The following DCTN1 variants were observed in gnomAD, a reference collection of about 807,000 sequenced individuals.
DCTN1 encodes 150 kDa dynein-associated polypeptide.
In DCTN1, 61 loss-of-function variants were observed where a neutral mutation model predicts 161.2. That is an observed-to-expected ratio of 0.38 (90% confidence interval 0.31 to 0.47). The LOEUF is 0.47. Ranked by LOEUF, DCTN1 falls within the 20% of genes least tolerant of loss-of-function variation. The pLI is 0.99. For missense variants in DCTN1, 1,404 were observed against 1,623.7 expected (o/e 0.86, Z 2.33); for synonymous variants, 653 against 632.4 (o/e 1.03, Z -0.49).
chr2:74,379,267 T>C (rs1675397792), intron 1 of DCTN1, among the ~76,000 whole-genome samples: 1 of 152,174 alleles, frequency 6.6e-6, no homozygotes. Context: ...AACAGATGAA[T>C]GAGGCATGAT....
At chr2:74,365,745 T>C in intron 24 of DCTN1, 88 bp from the exon 25 acceptor site, 1 of 1,611,922 alleles carries the variant, frequency 6.2e-7, no homozygotes, top group Non-Finnish European at 8.5e-7. Flanking sequence ...GTAGGTTCCC[T>C]GAGGGCTCAC....
rs989764056 is a variant in DCTN1, at chr2:74,362,707, T to C, written c.3552A>G (p.Gln1184=). The C allele has an allele frequency of 6.2e-7, 1 of 1,614,004 alleles. No individual in the cohort carries two copies. ...TAAGCTGAGCCACTTGCTCCATAAGTTGGGCCGACGGGCTCTTGGCAGCTG... is the reference window on the plus strand; with the variant it reads ...TAAGCTGAGCCACTTGCTCCATAAGCTGGGCCGACGGGCTCTTGGCAGCTG... ...TSPAAKSPSA[Q]LMEQVAQLKS... is the part of the protein sequence containing the mutation. Residue 1184 remains glutamine (Q), a synonymous_variant, in exon 30 of 32, where the codon CAA becomes CAG. Transcript: ENST00000628224.
At chr2:74,387,382 T>C (rs1032903534) in intron 1 of DCTN1, among the ~76,000 whole-genome samples, 2 of 152,162 alleles carry the variant, frequency 1.3e-5, no homozygotes, top group African/African-American at 4.8e-5. Flanking sequence ...TCATACTTAC[T>C]GCCCCTAGAC....
intron 6 of DCTN1, 195 bp downstream of exon 6, chr2:74,374,128 G>A: frequency 1.5e-6 from 1 of 659,722 alleles, no homozygotes; most frequent in Non-Finnish European, 2.8e-6. Context: ...GCCAAAAGCA[G>A]GCAAGGCAGT....
At chr2:74,380,671 G>A, upstream of DCTN1, 1 of 424,166 alleles carries the variant, frequency 2.4e-6, no homozygotes, top group South Asian at 1.7e-5. Flanking sequence ...CTGGACTCAG[G>A]GTCCAAATTC....
intron 1 of DCTN1, among the ~76,000 whole-genome samples, chr2:74,378,476 T>C (rs979775470): frequency 6.6e-6 from 1 of 152,262 alleles, no homozygotes; most frequent in African/African-American, 2.4e-5. Flanking sequence ...TTTAAGTTTA[T>C]ATTTTTTATA....
intron 1 of DCTN1, chr2:74,385,648 T>A (rs1438891733): frequency 6.6e-6 from 1 of 152,224 alleles, no homozygotes; most frequent in Non-Finnish European, 1.5e-5. Context: ...CATCTGATCA[T>A]AATGGAAATC....
intron 5 of DCTN1, 87 bp downstream of exon 5, chr2:74,376,655 G>C: frequency 7.7e-7 from 1 of 1,293,144 alleles, no homozygotes; most frequent in South Asian, 1.3e-5. Context: ...ACACACACAT[G>C]CATGCAGCAG....
Position 74,377,650 on chromosome 2 carries a change from C to G in DCTN1, c.356G>C (p.Arg119Thr). Reference sequence around the variant, plus strand: ...AACTTTAAGTGGGTGGTTGTTACCTCTTTTGAGGACTTTTGAAGCAGAAGA... The same window carrying G: ...AACTTTAAGTGGGTGGTTGTTACCTGTTTTGAGGACTTTTGAAGCAGAAGA... ...PDSSASKVLK[R>T]EGTDTTAKTS... The change falls in exon 3 of 32, where the codon AGA becomes ACA. Residue 119 changes from arginine to threonine, a missense_variant and splice_region_variant. This residue lies in a region of DCTN1 where 174 missense variants were observed against 175.6 expected (regional missense o/e 0.99). Transcript: ENST00000628224. 6.2e-7 allele frequency: 1 copy of G among 1,614,080 alleles called. No homozygotes were observed. The highest frequency in any genetic ancestry group is 8.5e-7 in the Non-Finnish European group (1 of 1,179,898).
At chr2:74,372,069 T>C (rs1439104205) in intron 7 of DCTN1, 16 of 341,244 alleles carry the variant, frequency 4.7e-5, no homozygotes, top group Non-Finnish European at 7.8e-5. Flanking sequence ...GAATCCGTTA[T>C]TCCCTAGAAC....
rs1239495574 is a variant in DCTN1, at chr2:74,369,721, G to A, written c.1393-230C>T. ...CCAGCTACTCGGGAGGCTGAGGCAG[G>A]AGAATCGCTTGAACCTGGGAGGCGG... On this transcript the variant is annotated intron_variant, in intron 13 of 31. Coordinates refer to ENST00000628224, the MANE Select transcript of DCTN1 (RefSeq NM_004082.5). This position sits in a 1 kb window ranked among gnomAD's most constrained non-coding sequence, Gnocchi z 4.9. Among the ~76,000 whole-genome samples, 1 of 151,742 alleles carries A rather than the reference G, an allele frequency of 6.6e-6. No homozygotes were observed. Among genetic ancestry groups the A allele is most frequent in the Non-Finnish European group, 1.5e-5 (1 of 67,974 alleles).
At position 74,368,193 on chromosome 2, in the gene DCTN1, G is replaced by A. The variant is rs1436167772; in HGVS notation, c.1855-62C>T. The stretch of plus-strand genomic sequence containing the variant: ...CAGAGGATGGAGAACAGAGACTCAG[G>A]AATATAGTACTCAGAGCTTAACTAT... On this transcript the variant is annotated intron_variant, in intron 16 of 31. Transcript: ENST00000628224. 3.2e-6 allele frequency: 5 copies of A among 1,547,932 alleles called. No individual in the cohort carries two copies. In the Admixed American group the frequency reaches 5.9e-5, roughly 18 times the overall value.
chr2:74,367,756 C>T lies in DCTN1; in HGVS notation c.2124G>A (p.Lys708=). The T allele has an allele frequency of 1.2e-6, 2 of 1,614,208 alleles. No homozygotes were observed. Among genetic ancestry groups the T allele is most frequent in the Non-Finnish European group, 1.7e-6 (2 of 1,180,042 alleles). ...SLDFLIELLH[K]DQLDETVNVE... is the part of the protein sequence containing the mutation. ...CATTGACAGTCTCATCCAGCTGATC[C>T]TTGTGCAGCAGTTCAATGAGGAAAT... is the stretch of plus-strand genomic sequence containing the variant. Residue 708 remains lysine, a synonymous_variant, in exon 18 of 32, where the codon AAG becomes AAA. Transcript: ENST00000628224.
At chr2:74,374,250 A>ACCCCCCCC in intron 6 of DCTN1, 73 bp downstream of exon 6, 2 of 717,024 alleles carry the variant, frequency 2.8e-6, no homozygotes, top group Admixed American at 2.3e-5. Flanking sequence ...ATCAGCCCCC[A>ACCCCCCCC]CCCCCACCCC....
rs747334304 is a variant in DCTN1, at chr2:74,363,616, C to A, written c.3209G>T (p.Arg1070Leu). ...VSGIAGEEQQ[R>L]GAIPGQAPGS... ...CCCCGGCCAGAGTGGGTCTCTACCT[C>A]GCTGCTGTTCTTCTGTGCTCGGGAT... Residue 1070 changes from arginine (R) to leucine (L), a missense_variant and splice_region_variant, in exon 27 of 32, where the codon CGA becomes CTA. Arg to Leu is a moderately radical substitution (Grantham distance 102). Transcript: ENST00000628224. 5 of 1,613,614 alleles carry A rather than the reference C, an allele frequency of 3.1e-6. No homozygotes were observed. The highest frequency in any genetic ancestry group is 2.7e-5 in the African/African-American group (2 of 74,934).
intron 8 of DCTN1, 66 bp downstream of exon 8, chr2:74,371,471 G>C (rs1405039695): frequency 1.4e-6 from 2 of 1,478,904 alleles, no homozygotes; most frequent in East Asian, 5.0e-5. Context: ...AAATTTTCAA[G>C]ACACAGCGGG....
At chr2:74,363,239 C>G (rs1192085176) in intron 28 of DCTN1, 55 bp downstream of exon 28, 5 of 1,613,950 alleles carry the variant, frequency 3.1e-6, no homozygotes, top group Non-Finnish European at 3.4e-6. Flanking sequence ...CATCTATCAT[C>G]AATGGGGCAA....
chr2:74,389,293 A>C (rs1675885674), intron 1 of DCTN1, among the ~76,000 whole-genome samples: 1 of 152,204 alleles, frequency 6.6e-6, no homozygotes, highest in Non-Finnish European at 1.5e-5. Flanking sequence ...TATAGATATG[A>C]ATCTGGCAAT....
At chr2:74,382,779 A>G (rs1675566156), upstream of DCTN1, among the ~76,000 whole-genome samples, 1 of 152,132 alleles carries the variant, frequency 6.6e-6, no homozygotes, top group Non-Finnish European at 1.5e-5. Context: ...GGAATTTTAA[A>G]AAATATGTGG....
Sources: gnomAD v4.1 joint callset for allele counts (sites outside exome capture counted in the v4.1 genomes callset) on GRCh38, gnomAD v4.1.1 for gene constraint, gnomAD v4.1.1 regional missense constraint, Gnocchi (gnomAD v3.1) non-coding constraint, MANE v1.5 for transcripts, NCBI Gene and HGNC (gene_info 2026-07-23, HGNC 2026-07-21) for gene names.